The following ZNF407 variants were observed in gnomAD, a reference collection of about 807,000 sequenced individuals.
ZNF407 encodes the protein zinc finger protein 407.
A neutral mutation model predicts 131.2 loss-of-function variants in ZNF407; 17 were observed. That is an observed-to-expected ratio of 0.13 (90% CI 0.09 to 0.19). The LOEUF (loss-of-function observed/expected upper bound fraction) is 0.19, where lower values mean the gene tolerates loss of function less well. Among genes scored for constraint, ZNF407 ranks in the 10% least tolerant of loss-of-function variants. ZNF407 has a pLI of 1.00. For synonymous variants in ZNF407, 1,156 were observed against 1,062.0 expected (o/e 1.09, Z -1.72); for missense variants, 2,681 against 2,830.6 (o/e 0.95, Z 1.20).
At chr18:74,994,825 A>G (rs1175372757) in intron 8 of ZNF407, among the ~76,000 whole-genome samples, 2 of 152,328 alleles carry the variant, frequency 1.3e-5, no homozygotes, top group East Asian at 3.9e-4. Context: ...CAGTGTGGAC[A>G]GAATTCTGGG....
intron 8 of ZNF407, among the ~76,000 whole-genome samples, chr18:75,060,608 C>T (rs1048447479): frequency 4.0e-5 from 6 of 151,470 alleles, no homozygotes; most frequent in Non-Finnish European, 8.8e-5. Flanking sequence ...CGGGTTCCCG[C>T]CATTCTCCTG....
intron 8 of ZNF407, among the ~76,000 whole-genome samples, chr18:75,029,259 G>A (rs531275528): frequency 4.6e-5 from 7 of 152,322 alleles, no homozygotes; most frequent in Non-Finnish European, 5.9e-5. Context: ...CCCTTCAAAA[G>A]ATAGGAATTC....
At chr18:74,790,122 T>C (rs1024184265) in intron 4 of ZNF407, among the ~76,000 whole-genome samples, 3 of 152,188 alleles carry the variant, frequency 2.0e-5, no homozygotes, top group Non-Finnish European at 4.4e-5. Flanking sequence ...CTTTATCTTA[T>C]TCCTTCCATC....
intron 8 of ZNF407, among the ~76,000 whole-genome samples, chr18:75,042,794 A>G (rs1444347406): frequency 6.6e-6 from 1 of 152,182 alleles, no homozygotes; most frequent in Non-Finnish European, 1.5e-5. Flanking sequence ...CTTTTCCAGC[A>G]TGTCACGTCA....
At chr18:74,987,011 A>G (rs954776143) in intron 8 of ZNF407, among the ~76,000 whole-genome samples, 1 of 152,280 alleles carries the variant, frequency 6.6e-6, no homozygotes, top group South Asian at 2.1e-4. Flanking sequence ...ATGTAAAGGT[A>G]TTTTTGAGCT....
In ZNF407 at chr18:75,048,596, C is replaced by T. The variant is rs1328169529; in HGVS notation, c.5429-14554C>T. 6.6e-6 allele frequency among the ~76,000 whole-genome samples: 1 copy of T among 152,160 alleles called. No individual in the cohort carries two copies. Among genetic ancestry groups the T allele is most frequent in the Non-Finnish European group, 1.5e-5 (1 of 68,028 alleles). ...CCAGTAATAACTGACAGGACTCTAA[C>T]TCTCAGCTCGATGTGAAAACAAGAG... On this transcript the variant is annotated intron_variant, in intron 8 of 8. Transcript: ENST00000299687. The surrounding 1 kb of genome is among the most constrained non-coding windows in gnomAD (Gnocchi z 4.1).
chr18:74,883,010 G>C (rs758774058), intron 6 of ZNF407, among the ~76,000 whole-genome samples: 1 of 152,248 alleles, frequency 6.6e-6, no homozygotes, highest in Non-Finnish European at 1.5e-5. Flanking sequence ...GCCCATCGAA[G>C]TGGAGACAGG....
intron 3 of ZNF407, among the ~76,000 whole-genome samples, chr18:74,689,503 A>G (rs1967172107): frequency 6.6e-6 from 1 of 152,198 alleles, no homozygotes; most frequent in South Asian, 2.1e-4. Context: ...TGGCTATTTA[A>G]TGGCAATGCA....
intron 2 of ZNF407, among the ~76,000 whole-genome samples, chr18:74,640,415 G>A (rs945679204): frequency 6.6e-6 from 1 of 151,898 alleles, no homozygotes; most frequent in Non-Finnish European, 1.5e-5. Context: ...CTATAAAAAT[G>A]ACCATAAAAG....
chr18:74,955,906 G>A (rs1972270172), intron 8 of ZNF407, among the ~76,000 whole-genome samples: 1 of 152,146 alleles, frequency 6.6e-6, no homozygotes, highest in Non-Finnish European at 1.5e-5. Flanking sequence ...GACCATCAGT[G>A]GCAAGACCAT....
chr18:74,721,259 G>A (rs887518100), intron 3 of ZNF407, among the ~76,000 whole-genome samples: 7 of 151,858 alleles, frequency 4.6e-5, no homozygotes, highest in African/African-American at 1.7e-4. Flanking sequence ...TTTTGTAGCT[G>A]TTGTAAACGG....
At chr18:74,692,865 G>C (rs1373541262) in intron 3 of ZNF407, among the ~76,000 whole-genome samples, 2 of 152,132 alleles carry the variant, frequency 1.3e-5, no homozygotes, top group East Asian at 3.9e-4. Flanking sequence ...GAGTGTGGTT[G>C]CCCTTCTCCT....
At chr18:74,623,687 TTTTAA>T (rs1337054341) in intron 1 of ZNF407, among the ~76,000 whole-genome samples, 4 of 151,914 alleles carry the variant, frequency 2.6e-5, no homozygotes, top group Non-Finnish European at 5.9e-5. Context: ...TCAAAAAGTA[TTTTAA>T]TTTCTTTATT....
intron 4 of ZNF407, among the ~76,000 whole-genome samples, chr18:74,820,651 G>A (rs1410225059): frequency 3.3e-5 from 5 of 152,156 alleles, no homozygotes; most frequent in Non-Finnish European, 2.9e-5. Context: ...GCCATTCTGG[G>A]AAAGTTGAAA....
chr18:74,775,641 C>T (rs1458976678), intron 3 of ZNF407, among the ~76,000 whole-genome samples: 1 of 152,150 alleles, frequency 6.6e-6, no homozygotes, highest in Non-Finnish European at 1.5e-5. Flanking sequence ...CTCCAAAATT[C>T]CCATGTTGAT....
chr18:74,733,095 A>T (rs1968331755), intron 3 of ZNF407, among the ~76,000 whole-genome samples: 1 of 152,130 alleles, frequency 6.6e-6, no homozygotes, highest in South Asian at 2.1e-4. Context: ...GTTATCAATT[A>T]AAATACTAGT....
At chr18:74,699,278 A>G (rs1967435892) in intron 3 of ZNF407, among the ~76,000 whole-genome samples, 1 of 152,194 alleles carries the variant, frequency 6.6e-6, no homozygotes, top group Non-Finnish European at 1.5e-5. Context: ...AGGAAACATG[A>G]TGATATATGC....
intron 3 of ZNF407, among the ~76,000 whole-genome samples, chr18:74,736,340 A>C (rs924379103): frequency 6.6e-6 from 1 of 152,192 alleles, no homozygotes; most frequent in Non-Finnish European, 1.5e-5. Flanking sequence ...AGGGCTTTCT[A>C]CATTAGATCT....
chr18:74,829,093 C>T (rs577340884), intron 4 of ZNF407, among the ~76,000 whole-genome samples: 139 of 152,158 alleles, frequency 9.1e-4, no homozygotes, highest in African/African-American at 3.0e-3. Context: ...CTTCATGTCC[C>T]GTATTTTAAT....
Sources: allele counts gnomAD v4.1 joint callset (sites outside exome capture counted in the v4.1 genomes callset), GRCh38; gene constraint gnomAD v4.1.1; non-coding constraint Gnocchi (gnomAD v3.1); transcripts MANE v1.5; gene names NCBI Gene and HGNC (gene_info 2026-07-23, HGNC 2026-07-21).